The following POP1 variants were observed in gnomAD, a reference collection of about 807,000 sequenced individuals.
The protein encoded by POP1 is ribonucleases P/MRP protein subunit POP1.
In POP1, 75 loss-of-function variants were observed where a neutral mutation model predicts 102.2. The ratio of observed to expected loss-of-function variants is 0.73; its 90% confidence interval spans 0.61 to 0.89. The LOEUF (loss-of-function observed/expected upper bound fraction) is 0.89, where lower values mean the gene tolerates loss of function less well. Among genes scored for constraint, POP1 ranks in the 40% least tolerant of loss-of-function variants. POP1 has a pLI of 0.00. For missense variants in POP1, 1,116 were observed against 1,267.4 expected, an observed-to-expected ratio of 0.88 and a Z score of 1.81; for synonymous variants, 436 against 464.1, an observed-to-expected ratio of 0.94 and a Z score of 0.78.
intron 9 of POP1, among the ~76,000 whole-genome samples, chr8:98,139,272 C>T (rs2130608653): frequency 6.6e-6 from 1 of 152,266 alleles, no homozygotes; most frequent in African/African-American, 2.4e-5. Context: ...TGAAATCTTC[C>T]TCAATTCCTA....
At chr8:98,147,870 T>A (rs1809398010) in intron 12 of POP1, among the ~76,000 whole-genome samples, 1 of 152,246 alleles carries the variant, frequency 6.6e-6, no homozygotes, top group Non-Finnish European at 1.5e-5. Flanking sequence ...TCTTACTTGC[T>A]CACTGATGTA....
At chr8:98,124,038 C>T (rs1816118367) in intron 2 of POP1, among the ~76,000 whole-genome samples, 1 of 152,070 alleles carries the variant, frequency 6.6e-6, no homozygotes, top group Admixed American at 6.5e-5. Flanking sequence ...TTGAGTTTCC[C>T]TGTGTTTACG....
intron 14 of POP1, among the ~76,000 whole-genome samples, chr8:98,153,385 G>C (rs553690474): frequency 6.6e-6 from 1 of 152,090 alleles, no homozygotes; most frequent in Non-Finnish European, 1.5e-5. Flanking sequence ...AGAAGGGGGG[G>C]ATTCAGGGCA....
At chr8:98,156,719 T>C (rs79647250) in intron 15 of POP1, among the ~76,000 whole-genome samples, 4,102 of 152,246 alleles carry the variant, frequency 0.027, 169 homozygotes, top group African/African-American at 0.085. Flanking sequence ...TGCTTTAAAT[T>C]ACCAAATTAG....
At chr8:98,126,190 C>G (rs996841342) in intron 2 of POP1, among the ~76,000 whole-genome samples, 7 of 152,080 alleles carry the variant, frequency 4.6e-5, no homozygotes, top group Middle Eastern at 6.8e-3. Flanking sequence ...TAGTGGCTCT[C>G]AATTTGAGTG....
intron 12 of POP1, among the ~76,000 whole-genome samples, chr8:98,148,538 T>C (rs1554626402): frequency 6.6e-6 from 1 of 152,176 alleles, no homozygotes; most frequent in Non-Finnish European, 1.5e-5. Flanking sequence ...AATATCAACA[T>C]ACAAGATTAA....
chr8:98,142,953 G>A (rs929489814), intron 11 of POP1, among the ~76,000 whole-genome samples: 1 of 152,120 alleles, frequency 6.6e-6, no homozygotes, highest in Non-Finnish European at 1.5e-5. Context: ...TAATCTGAAG[G>A]CTGTAACTTT....
In POP1 at chr8:98,134,037, G is replaced by T; in HGVS notation, c.823+1G>T. 1 of 1,600,146 alleles carries T rather than the reference G, an allele frequency of 6.2e-7. No homozygotes were observed. The highest frequency in any genetic ancestry group is 8.6e-7 in the Non-Finnish European group (1 of 1,167,280). On this transcript the variant is annotated splice_donor_variant, in intron 6 of 15. Coordinates refer to ENST00000401707, the MANE Select transcript of POP1 (RefSeq NM_001145860.2). LOFTEE classifies it high-confidence loss of function. Reference sequence around the variant, plus strand: ...TCTGGAATGTGTAACATAGACACAGGTAAACTTGTTTTAAAGCTGAGTTCT... The same window carrying T: ...TCTGGAATGTGTAACATAGACACAGTTAAACTTGTTTTAAAGCTGAGTTCT...
rs563987866 is a variant in POP1, at chr8:98,157,523, G to T, written c.2421-94G>T. On this transcript the variant is annotated intron_variant, in intron 15 of 15. Transcript: ENST00000401707. ...GTTTTGATTCTTATATAGTATAAAA[G>T]AATCAAATTAATTCTAGCAGTGTCT... 2.1e-6 allele frequency: 3 copies of T among 1,420,588 alleles called. No homozygotes were observed. The East Asian group carries it at 6.9e-5, about 33-fold the overall frequency. The allele number at this position is 1,420,588 out of a possible 1,614,324, so 88.0% of individuals were successfully genotyped here. A position where few individuals can be genotyped will look rare whatever the true frequency, so the allele number is the denominator to read the frequency against.
chr8:98,156,941 A>G (rs148341760), intron 15 of POP1, among the ~76,000 whole-genome samples: 4,827 of 134,022 alleles, frequency 0.036, 259 homozygotes, highest in African/African-American at 0.12. Flanking sequence ...TTGCTCTGTC[A>G]CCCAGGCGGG....
At chr8:98,147,243 C>T (rs1809380776) in intron 12 of POP1, among the ~76,000 whole-genome samples, 1 of 152,164 alleles carries the variant, frequency 6.6e-6, no homozygotes, top group Non-Finnish European at 1.5e-5. Context: ...TGAGGCCAGC[C>T]TCCTGATGGA....
At chr8:98,131,244 G>A (rs548741844) in intron 5 of POP1, among the ~76,000 whole-genome samples, 1 of 152,024 alleles carries the variant, frequency 6.6e-6, no homozygotes, top group African/African-American at 2.4e-5. Flanking sequence ...TGAAACTCTC[G>A]ACTCATTAAA....
In POP1 at chr8:98,157,594, C is replaced by T. The variant is rs376258808; in HGVS notation, c.2421-23C>T. 1.8e-5 allele frequency: 29 copies of T among 1,613,100 alleles called. No individual in the cohort carries two copies. In the African/African-American group the frequency reaches 3.1e-4, roughly 17 times the overall value. On this transcript the variant is annotated intron_variant, in intron 15 of 15. Coordinates refer to ENST00000401707, the MANE Select transcript of POP1 (RefSeq NM_001145860.2). ...TTTTCTGGAACAAAATATCCTCAAA[C>T]GTATGTCTCCAACTTCATGTAGGAG...
Position 98,157,913 on chromosome 8 carries a change from G to A in POP1, c.2717G>A (p.Ser906Asn). 2 of 1,614,158 alleles carry A rather than the reference G, an allele frequency of 1.2e-6. No homozygotes were observed. The highest frequency in any genetic ancestry group is 1.7e-6 in the Non-Finnish European group (2 of 1,180,014). Residue 906 changes from serine to asparagine, a missense_variant, in exon 16 of 16, where the codon AGC (serine) becomes AAC (asparagine). Coordinates refer to ENST00000401707, the MANE Select transcript of POP1 (RefSeq NM_001145860.2). ...TCCAAACACAGTGACCCATTCAGGA[G>A]CAAGATCCTGAAACAGAAAGAGAAG... is the stretch of plus-strand genomic sequence containing the variant. ...QESKHSDPFR[S>N]KILKQKEKKK...
intron 1 of POP1, among the ~76,000 whole-genome samples, chr8:98,120,937 C>T (rs567042381): frequency 6.6e-6 from 1 of 152,270 alleles, no homozygotes; most frequent in East Asian, 1.9e-4. Context: ...TGAACCACCG[C>T]TCCCGGCCTC....
At chr8:98,126,009 CA>C (rs1816193520) in intron 2 of POP1, among the ~76,000 whole-genome samples, 4 of 151,164 alleles carry the variant, frequency 2.6e-5, no homozygotes. Flanking sequence ...TTATGCCCAG[CA>C]AATTTTTTTT....
intron 9 of POP1, among the ~76,000 whole-genome samples, chr8:98,138,682 C>T (rs1254628779): frequency 2.6e-5 from 4 of 152,122 alleles, no homozygotes; most frequent in African/African-American, 9.7e-5. Flanking sequence ...ACTCTCTCCC[C>T]AGTGCTTAGC....
chr8:98,130,825 G>A (rs1816360832), intron 5 of POP1, among the ~76,000 whole-genome samples: 1 of 152,204 alleles, frequency 6.6e-6, no homozygotes, highest in South Asian at 2.1e-4. Context: ...GGGTCAGTGG[G>A]ATGCTGGGAA....
At position 98,140,150 on chromosome 8, in the gene POP1, C is replaced by T; in HGVS notation, c.1435C>T (p.Leu479Phe). The T allele has an allele frequency of 6.2e-7, 1 of 1,614,076 alleles. No homozygotes were observed. The highest frequency in any genetic ancestry group is 8.5e-7 in the Non-Finnish European group (1 of 1,179,976). The change falls in exon 10 of 16, where the codon CTT becomes TTT. Residue 479 changes from leucine (L) to phenylalanine (F), a missense_variant. Leu to Phe is a conservative substitution (Grantham distance 22, BLOSUM62 0). Coordinates refer to ENST00000401707, the MANE Select transcript of POP1 (RefSeq NM_001145860.2). ...ETCKKPDSVS[L>F]HCRQEAIFEL... is the part of the protein sequence containing the mutation. ...CTGTAAGAAACCTGACAGCGTTTCC[C>T]TTCATTGCAGACAAGAAGCCATTTT...
Sources: allele counts gnomAD v4.1 joint callset (sites outside exome capture counted in the v4.1 genomes callset), GRCh38; gene constraint gnomAD v4.1.1; transcripts MANE v1.5; gene names NCBI Gene and HGNC (gene_info 2026-07-23, HGNC 2026-07-21).